Variants in NELL2 observed in about 807,000 individuals in gnomAD.
NELL2 encodes protein kinase C-binding protein NELL2.
A neutral mutation model predicts 109.6 loss-of-function variants in NELL2; 41 were observed. The observed-to-expected ratio is 0.37, with a 90% CI of 0.29 to 0.49. NELL2 has a LOEUF of 0.49. Ranked by LOEUF, NELL2 falls within the 20% of genes least tolerant of loss-of-function variation. The pLI is 0.98. For missense variants in NELL2, 900 were observed against 1,008.3 expected (o/e 0.89, Z 1.45); for synonymous variants, 355 against 344.7 (o/e 1.03, Z -0.33).
chr12:44,680,852 T>C (rs1260065924), intron 12 of NELL2, among the ~76,000 whole-genome samples: 2 of 152,182 alleles, frequency 1.3e-5, no homozygotes, highest in African/African-American at 2.4e-5. Context: ...CTTATTTCTA[T>C]TCATTATATT....
In NELL2 at chr12:44,764,857, AG is replaced by A. The variant is rs555578111; in HGVS notation, c.994+9889del. ...CTTAAGATCAAAAAGAGAGAGAGAG[AG>A]AAAAAAAAAAGCAATACTGAGCTCC... On this transcript the variant is annotated intron_variant, in intron 9 of 19. Transcript: ENST00000429094. 8.3e-4 allele frequency among the ~76,000 whole-genome samples: 126 copies of A among 151,336 alleles called. 2 individuals carry two copies. In the South Asian group the frequency reaches 0.01, roughly 12 times the overall value.
rs578111767 is a variant in NELL2, at chr12:44,736,444, C to T, written c.995-21703G>A. 4.4e-4 allele frequency among the ~76,000 whole-genome samples: 67 copies of T among 151,758 alleles called. 1 individual carries two copies. The highest frequency in any genetic ancestry group is 4.4e-3 in the Admixed American group (67 of 15,262). ...ACTAAGATTCTAGCATTCTAAAGGG[C>T]AAAGTAGACACTAACAGTAGACTAA... On this transcript the variant is annotated intron_variant, in intron 9 of 19. Coordinates refer to ENST00000429094, the MANE Select transcript of NELL2 (RefSeq NM_001145108.2).
chr12:44,582,595 C>T (rs745853699), intron 15 of NELL2, among the ~76,000 whole-genome samples: 1 of 151,338 alleles, frequency 6.6e-6, no homozygotes, highest in Non-Finnish European at 1.5e-5. Flanking sequence ...AAGTGGTGGC[C>T]GAAAGGTAGA....
intron 3 of NELL2, among the ~76,000 whole-genome samples, chr12:44,807,493 G>A (rs1339931342): frequency 6.6e-6 from 1 of 151,764 alleles, no homozygotes; most frequent in Non-Finnish European, 1.5e-5. Flanking sequence ...AAATCAGGAA[G>A]AGCTATAGAC....
intron 3 of NELL2, 31 bp from the exon 4 acceptor site, chr12:44,780,053 T>A (rs761157152): frequency 6.2e-7 from 1 of 1,603,364 alleles, no homozygotes; most frequent in East Asian, 2.2e-5. Flanking sequence ...TGGGACACAT[T>A]AAAAATAAAG....
In NELL2 at chr12:44,672,074, G is replaced by A. The variant is rs570686415; in HGVS notation, c.1319-6465C>T. On this transcript the variant is annotated intron_variant, in intron 12 of 19. Transcript: ENST00000429094. ...GTGAGAGATGATAGTTCCTGGTACA[G>A]ATAGGAAAGCAGCTTCAGTGTCTAG... 1.8e-3 allele frequency among the ~76,000 whole-genome samples: 269 copies of A among 152,354 alleles called. 2 individuals carry two copies. Among genetic ancestry groups the A allele is most frequent in the African/African-American group, 6.1e-3 (255 of 41,586 alleles).
At chr12:44,510,360 C>T (rs1346733090) in intron 19 of NELL2, among the ~76,000 whole-genome samples, 1 of 152,098 alleles carries the variant, frequency 6.6e-6, no homozygotes, top group Non-Finnish European at 1.5e-5. Flanking sequence ...TCCAAAATCA[C>T]ACAGCTAGTA....
At chr12:44,777,428 G>A in intron 5 of NELL2, 114 bp from the exon 6 acceptor site, 1 of 803,540 alleles carries the variant, frequency 1.2e-6, no homozygotes, top group Non-Finnish European at 2.0e-6. Context: ...AAATCCCTGA[G>A]TAAAAAGTCT....
intron 15 of NELL2, among the ~76,000 whole-genome samples, chr12:44,573,862 G>A (rs1283840632): frequency 2.0e-5 from 3 of 152,128 alleles, no homozygotes; most frequent in South Asian, 2.1e-4. Flanking sequence ...TGTACACAGG[G>A]AGACTATACC....
chr12:44,729,797 T>C (rs907820943), intron 9 of NELL2, among the ~76,000 whole-genome samples: 3 of 152,130 alleles, frequency 2.0e-5, no homozygotes, highest in South Asian at 4.2e-4. Context: ...TTTGGTTGTT[T>C]ATTTATTCTG....
chr12:44,610,697 T>G (rs1367719225), intron 14 of NELL2, 151 bp downstream of exon 14: 2 of 1,029,254 alleles, frequency 1.9e-6, no homozygotes, highest in East Asian at 5.2e-5. Context: ...TGTCAAGACC[T>G]GAGGGAAAGA....
upstream of NELL2, chr12:44,876,450 C>G: frequency 7.7e-7 from 1 of 1,294,466 alleles, no homozygotes; most frequent in Non-Finnish European, 9.8e-7. Context: ...CCCGCACGGT[C>G]TCCTGGATGC....
intron 3 of NELL2, among the ~76,000 whole-genome samples, chr12:44,803,235 A>AAGG (rs35318149): frequency 0.72 from 109,201 of 151,460 alleles, 39,631 homozygotes; most frequent in Non-Finnish European, 0.76. Flanking sequence ...CTCCAGATTG[A>AAGG]AGATGCTGGT....
intron 3 of NELL2, among the ~76,000 whole-genome samples, chr12:44,802,801 A>G (rs1277251183): frequency 6.6e-6 from 1 of 152,104 alleles, no homozygotes; most frequent in African/African-American, 2.4e-5. Flanking sequence ...AACAAGTGTC[A>G]ATTTTCAATT....
intron 15 of NELL2, among the ~76,000 whole-genome samples, chr12:44,542,451 A>G (rs1415182113): frequency 6.6e-6 from 1 of 152,148 alleles, no homozygotes; most frequent in East Asian, 1.9e-4. Flanking sequence ...CCACTAGTAC[A>G]TTGAAAACTA....
At chr12:44,788,389 C>G (rs1390802634) in intron 3 of NELL2, among the ~76,000 whole-genome samples, 1 of 152,178 alleles carries the variant, frequency 6.6e-6, no homozygotes, top group Non-Finnish European at 1.5e-5. Flanking sequence ...CAAACACACA[C>G]CCACACTGGG....
intron 15 of NELL2, among the ~76,000 whole-genome samples, chr12:44,582,050 C>G (rs1049124240): frequency 7.2e-5 from 11 of 152,150 alleles, no homozygotes. Flanking sequence ...AGGCTAATTA[C>G]TTCCTTTCAT....
chr12:44,770,484 A>G (rs1405820972), intron 9 of NELL2, among the ~76,000 whole-genome samples: 1 of 152,220 alleles, frequency 6.6e-6, no homozygotes, highest in East Asian at 1.9e-4. Context: ...TAACTATTCA[A>G]TATGCAAAGA....
rs145356202 is a variant in NELL2, at chr12:44,744,835, C to A, written c.994+29912G>T. 5.5e-3 allele frequency among the ~76,000 whole-genome samples: 844 copies of A among 152,222 alleles called. 15 individuals carry two copies. Among genetic ancestry groups the A allele is most frequent in the African/African-American group, 0.02 (817 of 41,528 alleles). ...AATAGCTTACCAACCAAAACAAGTC[C>A]AGGACCAGATGGATTCACAGCTGAA... On this transcript the variant is annotated intron_variant, in intron 9 of 19. Coordinates refer to ENST00000429094, the MANE Select transcript of NELL2 (RefSeq NM_001145108.2).
Sources: gnomAD v4.1 joint callset for allele counts (sites outside exome capture counted in the v4.1 genomes callset) on GRCh38, gnomAD v4.1.1 for gene constraint, MANE v1.5 for transcripts, NCBI Gene and HGNC (gene_info 2026-07-23, HGNC 2026-07-21) for gene names.